The following PSG1 variants were observed in gnomAD, a reference collection of about 807,000 sequenced individuals.
The protein encoded by PSG1 is pregnancy-specific beta-1-glycoprotein 1.
A neutral mutation model predicts 41.4 loss-of-function variants in PSG1; 60 were observed. That is an observed-to-expected ratio of 1.45 (90% CI 1.18 to 1.80). The LOEUF (loss-of-function observed/expected upper bound fraction) is 1.80. Among genes scored for constraint, PSG1 ranks in the 40% most tolerant of loss-of-function variants. The pLI, the probability that PSG1 is intolerant of heterozygous loss-of-function variation, is 0.00. For missense variants in PSG1, 806 were observed against 516.9 expected (o/e 1.56, Z -5.42); for synonymous variants, 256 against 192.9 (o/e 1.33, Z -2.71).
At chr19:42,875,395 G>A (rs1443253962) in intron 2 of PSG1, among the ~76,000 whole-genome samples, 2 of 151,730 alleles carry the variant, frequency 1.3e-5, no homozygotes, top group Non-Finnish European at 2.9e-5. Context: ...GACTGCTCCA[G>A]TGTCATTGGG....
At chr19:42,877,071 A>G (rs975746849) in intron 2 of PSG1, among the ~76,000 whole-genome samples, 56 of 151,668 alleles carry the variant, frequency 3.7e-4, no homozygotes, top group African/African-American at 1.3e-3. Context: ...TAAATGTTAA[A>G]TTATTCACAG....
intron 2 of PSG1, among the ~76,000 whole-genome samples, chr19:42,876,099 G>A (rs1971592229): frequency 6.6e-6 from 1 of 151,406 alleles, no homozygotes; most frequent in Non-Finnish European, 1.5e-5. Flanking sequence ...AGTGGGAAGG[G>A]AACTGAACAG....
chr19:42,871,688 G>T, intron 3 of PSG1, 79 bp downstream of exon 3: 1 of 1,612,152 alleles, frequency 6.2e-7, no homozygotes, highest in South Asian at 1.1e-5. Flanking sequence ...TTGGACCTGA[G>T]AGGGACAGAG....
intron 1 of PSG1, chr19:42,878,522 C>T (rs1459545594): frequency 1.6e-6 from 1 of 639,992 alleles, no homozygotes; most frequent in Non-Finnish European, 2.4e-6. Flanking sequence ...TCCTTCAACA[C>T]TTCTGACGTT....
rs185486850 is a variant in PSG1 at position 42,872,845 on chromosome 19, C to G, written c.431-800G>C. On this transcript the variant is annotated intron_variant, in intron 2 of 5. Coordinates refer to ENST00000436291, the MANE Select transcript of PSG1 (RefSeq NM_001184825.2). ...GATCTTTCTAGAAATACATGTGGATCTTTGCAAATGCAGAACTGACTGGTG... is the reference window on the plus strand; with the variant it reads ...GATCTTTCTAGAAATACATGTGGATGTTTGCAAATGCAGAACTGACTGGTG... Among the ~76,000 whole-genome samples the G allele has an allele frequency of 6.2e-4, 94 of 151,962 alleles. 1 individual carries two copies. The highest frequency in any genetic ancestry group is 1.7e-3 in the African/African-American group (69 of 41,436).
intron 3 of PSG1, chr19:42,870,591 G>C (rs1387453948): frequency 6.6e-6 from 1 of 151,520 alleles, no homozygotes; most frequent in Non-Finnish European, 1.5e-5. Flanking sequence ...TCATTAATAA[G>C]AGCCTGTCAT....
rs1971342878 is a variant in PSG1, at chr19:42,870,624, CTAA to C, written c.709+1140_709+1142del. ...CATGTGAGATTTAGGACAGTGTTTT[CTAA>C]TTCTGCAAAAAATGTTACTGTGATT... On this transcript the variant is annotated intron_variant, in intron 3 of 5. Transcript: ENST00000436291. 3.3e-5 allele frequency: 5 copies of C among 151,710 alleles called. 1 individual carries two copies. The Middle Eastern group carries it at 0.014, about 413-fold the overall frequency. 9.4% of individuals were successfully genotyped at this position (151,710 alleles called of 1,614,324 possible).
intron 5 of PSG1, chr19:42,867,739 C>G (rs772753337): frequency 1.1e-6 from 1 of 878,064 alleles, no homozygotes; most frequent in Non-Finnish European, 1.9e-6. Flanking sequence ...TATTGAACTG[C>G]TATAAGCTGT....
intron 1 of PSG1, 133 bp downstream of exon 1, chr19:42,879,385 C>T: frequency 7.2e-7 from 1 of 1,387,902 alleles, no homozygotes. Context: ...AACTTCTGAT[C>T]TCATGATCCA....
chr19:42,876,978 CT>C (rs1188968085), intron 2 of PSG1, among the ~76,000 whole-genome samples: 1 of 151,572 alleles, frequency 6.6e-6, no homozygotes, highest in Non-Finnish European at 1.5e-5. Context: ...TGCTCAGTCA[CT>C]GTGCCTTCCT....
Position 42,868,140 on chromosome 19 carries a change from C to T in PSG1, c.1204G>A (p.Gly402Ser), listed in dbSNP as rs1238672453. ...YVCSVRNSAT[G>S]KESSKSMTVE... ...GTCATGGATTTGGAGCTTTCCTTGC[C>T]AGTGGCTGAGTTACGAACAGAGCAA... The change falls in exon 5 of 6, where the codon GGC becomes AGC. Residue 402 changes from glycine to serine, a missense_variant. Transcript: ENST00000436291. The T allele has an allele frequency of 1.2e-6, 2 of 1,612,266 alleles. No homozygotes were observed. Among genetic ancestry groups the T allele is most frequent in the Admixed American group, 3.3e-5 (2 of 59,858 alleles).
intron 3 of PSG1, 151 bp downstream of exon 3, chr19:42,871,616 C>G (rs1217038946): frequency 2.5e-6 from 4 of 1,577,288 alleles, no homozygotes; most frequent in Non-Finnish European, 2.6e-6. Context: ...TAGGTCTACT[C>G]TGGTTTGCCT....
At chr19:42,877,300 T>C (rs1971649262) in intron 2 of PSG1, among the ~76,000 whole-genome samples, 1 of 151,572 alleles carries the variant, frequency 6.6e-6, no homozygotes, top group Admixed American at 6.6e-5. Flanking sequence ...AAGCTTGTCT[T>C]TCTGTCCTCT....
chr19:42,877,086 C>G (rs767434855), intron 2 of PSG1, among the ~76,000 whole-genome samples: 1 of 151,666 alleles, frequency 6.6e-6, no homozygotes, highest in African/African-American at 2.4e-5. Flanking sequence ...TCACAGTCAC[C>G]TGACCTAATG....
At chr19:42,878,535 C>T (rs1219695252) in intron 1 of PSG1, 1 of 546,882 alleles carries the variant, frequency 1.8e-6, no homozygotes. Flanking sequence ...CTGACGTTGG[C>T]ATTTTTCTGT....
intron 2 of PSG1, chr19:42,876,970 CT>C (rs1165823235): frequency 6.6e-6 from 1 of 151,638 alleles, no homozygotes; most frequent in Non-Finnish European, 1.5e-5. Context: ...GTGACTCTTG[CT>C]CAGTCACTGT....
Position 42,879,476 on chromosome 19 carries a change from T to C in PSG1, c.64+42A>G, listed in dbSNP as rs1229867713. On this transcript the variant is annotated intron_variant, in intron 1 of 5. Transcript: ENST00000436291. Reference sequence around the variant, plus strand: ...TCCAGGAGACCCCATCCAGTCACTCTGCTTCCTCCTCCTGTCCTCTCCCAG... The same window carrying C: ...TCCAGGAGACCCCATCCAGTCACTCCGCTTCCTCCTCCTGTCCTCTCCCAG... The C allele has an allele frequency of 1.4e-5, 23 of 1,604,026 alleles. 1 individual carries two copies. The highest frequency in any genetic ancestry group is 1.2e-4 in the African/African-American group (9 of 74,480).
intron 2 of PSG1, among the ~76,000 whole-genome samples, chr19:42,875,439 T>C (rs1171530284): frequency 2.6e-5 from 4 of 151,756 alleles, no homozygotes; most frequent in Admixed American, 2.0e-4. Context: ...TAATTGCTCC[T>C]ATAGATAACA....
intron 5 of PSG1, chr19:42,867,422 G>C: frequency 1.7e-6 from 1 of 576,216 alleles, no homozygotes; most frequent in Non-Finnish European, 3.1e-6. Context: ...TAAGGAATCT[G>C]AGATTAAATC....
Sources: allele counts gnomAD v4.1 joint callset (sites outside exome capture counted in the v4.1 genomes callset), GRCh38; gene constraint gnomAD v4.1.1; transcripts MANE v1.5; gene names NCBI Gene and HGNC (gene_info 2026-07-23, HGNC 2026-07-21).